The following SASS6 variants were observed in gnomAD, a reference collection of about 807,000 sequenced individuals.
SASS6 encodes spindle assembly abnormal protein 6 homolog.
In SASS6, 59 loss-of-function variants were observed where a neutral mutation model predicts 94.9. The ratio of observed to expected loss-of-function variants is 0.62; its 90% CI spans 0.50 to 0.77. SASS6 has a LOEUF of 0.77. Among genes scored for constraint, SASS6 ranks in the 30% least tolerant of loss-of-function variants. The pLI is 0.00. For missense variants in SASS6, 698 were observed against 734.1 expected, an observed-to-expected ratio of 0.95 and a Z score of 0.57; for synonymous variants, 264 against 270.0, an observed-to-expected ratio of 0.98 and a Z score of 0.22.
intron 14 of SASS6, among the ~76,000 whole-genome samples, chr1:100,100,629 A>C (rs531493581): frequency 6.6e-6 from 1 of 152,236 alleles, no homozygotes; most frequent in Admixed American, 6.5e-5. Flanking sequence ...GTTTCTTGCC[A>C]AATTTCTCAT....
chr1:100,091,263 C>T (rs1651659999), intron 14 of SASS6, among the ~76,000 whole-genome samples: 1 of 152,102 alleles, frequency 6.6e-6, no homozygotes, highest in African/African-American at 2.4e-5. Flanking sequence ...CACCACTATC[C>T]TCCAGCCTGG....
At chr1:100,107,583 A>G (rs753526236) in intron 10 of SASS6, 30 bp from the exon 11 acceptor site, 1 of 1,550,382 alleles carries the variant, frequency 6.5e-7, no homozygotes, top group Non-Finnish European at 8.8e-7. Flanking sequence ...GTATATTTCT[A>G]TGTAATTTAA....
rs1217638428 is a variant in SASS6, at chr1:100,097,846, GAC to G, written c.1674+5107_1674+5108del. On this transcript the variant is annotated intron_variant, in intron 14 of 16. Transcript: ENST00000287482. Reference sequence around the variant, plus strand: ...TTTTATCTCAAAAAAAAAGAAGAAAGACACACAAAAAAACTACATGTTGTATG... The same window carrying G: ...TTTTATCTCAAAAAAAAAGAAGAAAGACACAAAAAAACTACATGTTGTATG... 3.3e-5 allele frequency among the ~76,000 whole-genome samples: 5 copies of G among 152,066 alleles called. No homozygotes were observed. In the East Asian group the frequency reaches 9.7e-4, roughly 29 times the overall value.
intron 7 of SASS6, 84 bp from the exon 8 acceptor site, chr1:100,110,567 T>C (rs1429856520): frequency 3.1e-6 from 2 of 652,134 alleles, no homozygotes; most frequent in Non-Finnish European, 4.7e-6. Flanking sequence ...CAAAAAAAAA[T>C]TGTAATTTCT....
At chr1:100,108,804 A>T (rs1294222221) in intron 8 of SASS6, among the ~76,000 whole-genome samples, 2 of 152,136 alleles carry the variant, frequency 1.3e-5, no homozygotes, top group Non-Finnish European at 2.9e-5. Context: ...TTTGTAAAAC[A>T]GAAATAACAA....
intron 1 of SASS6, among the ~76,000 whole-genome samples, chr1:100,127,627 T>C (rs568521958): frequency 4.6e-5 from 7 of 152,338 alleles, no homozygotes; most frequent in South Asian, 4.1e-4. Flanking sequence ...GAATACACTG[T>C]TGCTATTTTT....
chr1:100,119,268 C>G, intron 6 of SASS6, 131 bp from the exon 7 acceptor site: 2 of 453,564 alleles, frequency 4.4e-6, no homozygotes, highest in Non-Finnish European at 7.2e-6. Flanking sequence ...TGTTCAAAGC[C>G]TTTTCCTACA....
chr1:100,127,066 C>G (rs539963352), intron 1 of SASS6, among the ~76,000 whole-genome samples: 60 of 152,250 alleles, frequency 3.9e-4, no homozygotes, highest in Non-Finnish European at 1.6e-4. Context: ...CAGAATTGGA[C>G]AGAGGTATAT....
intron 15 of SASS6, 44 bp from the exon 16 acceptor site, chr1:100,085,674 T>A: frequency 8.1e-7 from 1 of 1,231,510 alleles, no homozygotes; most frequent in Non-Finnish European, 1.2e-6. Flanking sequence ...AAGTCTTTAT[T>A]AACTTTGAAG....
chr1:100,122,072 C>A (rs752592644), intron 4 of SASS6, among the ~76,000 whole-genome samples: 1 of 152,166 alleles, frequency 6.6e-6, no homozygotes, highest in Non-Finnish European at 1.5e-5. Flanking sequence ...AAGAATCAGG[C>A]GTTAGCACCA....
At chr1:100,112,247 G>T (rs923189639) in intron 7 of SASS6, among the ~76,000 whole-genome samples, 8 of 152,060 alleles carry the variant, frequency 5.3e-5, no homozygotes, top group Non-Finnish European at 1.0e-4. Flanking sequence ...AAGAATATTA[G>T]ATGAGAAAAA....
At chr1:100,090,802 T>A (rs1651620287) in intron 14 of SASS6, among the ~76,000 whole-genome samples, 1 of 152,042 alleles carries the variant, frequency 6.6e-6, no homozygotes, top group African/African-American at 2.4e-5. Flanking sequence ...CACAGAAAAT[T>A]CTGAGGAAAT....
intron 9 of SASS6, 27 bp from the exon 10 acceptor site, chr1:100,107,744 A>T: frequency 6.4e-7 from 1 of 1,554,064 alleles, no homozygotes; most frequent in Non-Finnish European, 8.8e-7. Context: ...AAACATGAAT[A>T]ATTAGGGCAT....
intron 6 of SASS6, 34 bp from the exon 7 acceptor site, chr1:100,119,171 G>C (rs935213817): frequency 2.4e-6 from 3 of 1,233,124 alleles, no homozygotes; most frequent in Admixed American, 4.4e-5. Flanking sequence ...TATTAAGATA[G>C]GCTCCTTAAT....
intron 1 of SASS6, among the ~76,000 whole-genome samples, chr1:100,126,599 A>G (rs1654640241): frequency 6.6e-6 from 1 of 152,072 alleles, no homozygotes; most frequent in African/African-American, 2.4e-5. Flanking sequence ...TAACACGGCA[A>G]AACCTCATCT....
chr1:100,101,438 T>C (rs977878599), intron 14 of SASS6, among the ~76,000 whole-genome samples: 2 of 152,036 alleles, frequency 1.3e-5, no homozygotes, highest in Non-Finnish European at 2.9e-5. Flanking sequence ...ATAATTATTA[T>C]AATGATTCCT....
intron 7 of SASS6, among the ~76,000 whole-genome samples, chr1:100,115,305 T>C (rs534662128): frequency 5.3e-5 from 8 of 152,192 alleles, no homozygotes; most frequent in Non-Finnish European, 1.2e-4. Flanking sequence ...TGGTCTCATT[T>C]ATGCAGTAAA....
rs1358815863 is a variant in SASS6, at chr1:100,132,860, C to G, written c.-46G>C. ...GGTGTGCAGAAAAGCCCAACAGGCC[C>G]GGCCCTCGGGATTAGCCTGAGAGGT... On this transcript the variant is annotated 5_prime_UTR_variant, in exon 1 of 17. Transcript: ENST00000287482. The G allele has an allele frequency of 1.1e-5, 18 of 1,567,866 alleles. No individual in the cohort carries two copies. Among genetic ancestry groups the G allele is most frequent in the Non-Finnish European group, 1.4e-5 (16 of 1,138,436 alleles).
intron 14 of SASS6, among the ~76,000 whole-genome samples, chr1:100,101,074 A>G (rs1462702616): frequency 6.6e-6 from 1 of 152,192 alleles, no homozygotes; most frequent in East Asian, 1.9e-4. Context: ...ACTTAACTCA[A>G]TAATCCAGTA....
Sources: gnomAD v4.1 joint callset for allele counts (sites outside exome capture counted in the v4.1 genomes callset) on GRCh38, gnomAD v4.1.1 for gene constraint, MANE v1.5 for transcripts, NCBI Gene and HGNC (gene_info 2026-07-23, HGNC 2026-07-21) for gene names.